Variants in EIF2AK1 observed in about 807,000 individuals in gnomAD.
EIF2AK1 encodes eukaryotic translation initiation factor 2 alpha kinase 1, also known as eukaryotic translation initiation factor 2-alpha kinase 1.
In EIF2AK1, 54 loss-of-function variants were observed where a neutral mutation model predicts 77.9. The ratio of observed to expected loss-of-function variants is 0.69; its 90% CI spans 0.56 to 0.87. EIF2AK1 has a LOEUF of 0.87. Ranked by LOEUF, EIF2AK1 falls within the 40% of genes least tolerant of loss-of-function variation. The pLI is 0.00. For missense variants in EIF2AK1, 810 were observed against 768.6 expected, an observed-to-expected ratio of 1.05 and a Z score of -0.64; for synonymous variants, 314 against 290.5, an observed-to-expected ratio of 1.08 and a Z score of -0.82.
At chr7:6,054,328 C>T (rs1342422803) in intron 2 of EIF2AK1, among the ~76,000 whole-genome samples, 3 of 152,064 alleles carry the variant, frequency 2.0e-5, no homozygotes, top group African/African-American at 4.8e-5. Flanking sequence ...CTCAGCCTCC[C>T]GAGTAGCTGG....
In EIF2AK1 at chr7:6,040,885, A is replaced by C. The variant is rs760391811; in HGVS notation, c.1119+7T>G. On this transcript the variant is annotated splice_region_variant and intron_variant, in intron 9 of 14. Coordinates refer to ENST00000199389, the MANE Select transcript of EIF2AK1 (RefSeq NM_014413.4). ...CCAAATTAGGAGGGTCTGGGAAAGT[A>C]ATCTACCTCTGTCTGACCCAAAAAG... The C allele has an allele frequency of 2.5e-6, 4 of 1,611,966 alleles. No homozygotes were observed. The highest frequency in any genetic ancestry group is 3.4e-6 in the Non-Finnish European group (4 of 1,178,310).
chr7:6,038,478 C>A, intron 10 of EIF2AK1, 82 bp downstream of exon 10: 3 of 904,756 alleles, frequency 3.3e-6, no homozygotes, highest in South Asian at 1.9e-5. Flanking sequence ...TGAAAAAAAG[C>A]ACCTGGAGGC....
At position 6,023,913 on chromosome 7, in the gene EIF2AK1, T is replaced by G. The variant is rs1787658168; in HGVS notation, c.*760A>C. 1.3e-6 allele frequency: 2 copies of G among 1,486,964 alleles called. No homozygotes were observed. The highest frequency in any genetic ancestry group is 1.8e-6 in the Non-Finnish European group (2 of 1,114,534). The allele number at this position is 1,486,964 out of a possible 1,614,324, so 92.1% of individuals were successfully genotyped here. A position where few individuals can be genotyped will look rare whatever the true frequency, so the allele number is the denominator to read the frequency against. On this transcript the variant is annotated 3_prime_UTR_variant, in exon 15 of 15. Coordinates refer to ENST00000199389, the MANE Select transcript of EIF2AK1 (RefSeq NM_014413.4). ...ACTGCCAACTCCATGGCAGACCCTT[T>G]CTGGGATTCAAAAACCAATTCATCA... is the stretch of plus-strand genomic sequence containing the variant.
chr7:6,036,009 A>G lies in EIF2AK1; in HGVS notation c.1332+1415T>C. The G allele has an allele frequency of 6.4e-7, 1 of 1,551,148 alleles. No individual in the cohort carries two copies. Among genetic ancestry groups the G allele is most frequent in the South Asian group, 1.2e-5 (1 of 84,060 alleles). ...ATGCTTTGGAGGCAGAGAGGCAATC[A>G]TCAATCTCCTGCTTGAATTTGAAGC... On this transcript the variant is annotated intron_variant, in intron 11 of 14. Coordinates refer to ENST00000199389, the MANE Select transcript of EIF2AK1 (RefSeq NM_014413.4). This position sits in a 1 kb window ranked among gnomAD's most constrained non-coding sequence, Gnocchi z 4.6.
At chr7:6,044,501 T>G in intron 7 of EIF2AK1, 61 bp downstream of exon 7, 1 of 1,402,904 alleles carries the variant, frequency 7.1e-7, no homozygotes, top group Admixed American at 2.1e-5. Flanking sequence ...GCAGGCCAGA[T>G]TTGGTGCACG....
rs1787665984 is a variant in EIF2AK1, at chr7:6,024,085, G to GC, written c.*587dup. The GC allele has an allele frequency of 7.7e-7, 1 of 1,300,866 alleles. No individual in the cohort carries two copies. The highest frequency in any genetic ancestry group is 1.5e-5 in the African/African-American group (1 of 66,368). The allele number at this position is 1,300,866 out of a possible 1,614,324, so 80.6% of individuals were successfully genotyped here. A position where few individuals can be genotyped will look rare whatever the true frequency, so the allele number is the denominator to read the frequency against. On this transcript the variant is annotated 3_prime_UTR_variant, in exon 15 of 15. Transcript: ENST00000199389. ...TCTGGGGTGCGGAGTACAAAGCTTTGCAAGGGTGTGGTTTTGGAATGACGC... is the reference window on the plus strand; with the variant it reads ...TCTGGGGTGCGGAGTACAAAGCTTTGCCAAGGGTGTGGTTTTGGAATGACGC...
At position 6,037,473 on chromosome 7, in the gene EIF2AK1, T is replaced by C. The variant is rs767697040; in HGVS notation, c.1283A>G (p.Glu428Gly). 9 of 1,613,550 alleles carry C rather than the reference T, an allele frequency of 5.6e-6. No homozygotes were observed. The South Asian group carries it at 8.8e-5, about 16-fold the overall frequency. ...CATGTTATGTATGTAAAACACACCT[T>C]CTACCAATTCTTGAAAAATTTTTGT... ...VATKIFQELVEGVFYIHNMGI... is the reference protein window; with the variant it reads ...VATKIFQELVGGVFYIHNMGI... The change falls in exon 11 of 15, where the codon GAA (glutamate) becomes GGA (glycine). Residue 428 changes from glutamate to glycine, a missense_variant. This residue lies in a region of EIF2AK1 where 549 missense variants were observed against 533.7 expected (regional missense o/e 1.03). Transcript: ENST00000199389.
At chr7:6,039,910 C>T (rs1050825601) in intron 9 of EIF2AK1, among the ~76,000 whole-genome samples, 1 of 152,024 alleles carries the variant, frequency 6.6e-6, no homozygotes, top group African/African-American at 2.4e-5. Context: ...GTACTCCAGC[C>T]TGGGTGACAA....
rs1306113567 is a variant in EIF2AK1, at chr7:6,032,544, C to G, written c.1333-3512G>C. Among the ~76,000 whole-genome samples, 1 of 152,230 alleles carries G rather than the reference C, an allele frequency of 6.6e-6. No homozygotes were observed. The highest frequency in any genetic ancestry group is 2.1e-4 in the South Asian group (1 of 4,832). ...CATAGCAAGTACCCTTAATATCACA[C>G]CACAGGCTCTTCTGAAGAATCAACT... On this transcript the variant is annotated intron_variant, in intron 11 of 14. Coordinates refer to ENST00000199389, the MANE Select transcript of EIF2AK1 (RefSeq NM_014413.4). This position sits in a 1 kb window ranked among gnomAD's most constrained non-coding sequence, Gnocchi z 4.3.
chr7:6,032,523 G>A lies in EIF2AK1; in HGVS notation c.1333-3491C>T, dbSNP rs553193250. 1.3e-5 allele frequency among the ~76,000 whole-genome samples: 2 copies of A among 152,326 alleles called. No individual in the cohort carries two copies. The highest frequency in any genetic ancestry group is 2.4e-5 in the African/African-American group (1 of 41,574). On this transcript the variant is annotated intron_variant, in intron 11 of 14. Transcript: ENST00000199389. This position sits in a 1 kb window ranked among gnomAD's most constrained non-coding sequence, Gnocchi z 4.3. ...AATTTAAGGAATAAGTGACTTCATA[G>A]CAAGTACCCTTAATATCACACCACA...
rs756176778 is a variant in EIF2AK1, at chr7:6,023,271, G to A, written c.*1402C>T. 9 of 1,557,026 alleles carry A rather than the reference G, an allele frequency of 5.8e-6. No individual in the cohort carries two copies. The South Asian group carries it at 1.1e-4, about 19-fold the overall frequency. ...GAGTACTTCCCTCAGGGCTGCTCTG[G>A]TGATGCTACCTGGCGTGTTTTTTCT... On this transcript the variant is annotated 3_prime_UTR_variant, in exon 15 of 15. Transcript: ENST00000199389.
At chr7:6,058,816 C>G (rs887814732) in intron 1 of EIF2AK1, 150 bp downstream of exon 1, 73 of 590,768 alleles carry the variant, frequency 1.2e-4, no homozygotes, top group South Asian at 5.6e-4. Context: ...CGCCGCCCCC[C>G]CTCGCACTGC....
At chr7:6,052,584 T>TTAAA (rs368496133) in intron 2 of EIF2AK1, among the ~76,000 whole-genome samples, 6 of 97,174 alleles carry the variant, frequency 6.2e-5, no homozygotes, top group African/African-American at 2.0e-4. Flanking sequence ...ACTGTTTTGG[T>TTAAA]AAAAAAAAAA....
rs1387339376 is a variant in EIF2AK1 at position 6,027,613 on chromosome 7, G to A, written c.1531-652C>T. Among the ~76,000 whole-genome samples the A allele has an allele frequency of 6.6e-6, 1 of 152,060 alleles. No individual in the cohort carries two copies. Among genetic ancestry groups the A allele is most frequent in the African/African-American group, 2.4e-5 (1 of 41,420 alleles). On this transcript the variant is annotated intron_variant, in intron 13 of 14. Transcript: ENST00000199389. This position sits in a 1 kb window ranked among gnomAD's most constrained non-coding sequence, Gnocchi z 4.5. Reference sequence around the variant, plus strand: ...AAGGGAGATTCAAACTTTACAGCATGTTCGTTCTATTTCAAGGGGAGTCAA... The same window carrying A: ...AAGGGAGATTCAAACTTTACAGCATATTCGTTCTATTTCAAGGGGAGTCAA...
At chr7:6,026,596 G>T (rs913918412) in intron 14 of EIF2AK1, 132 bp downstream of exon 14, 1 of 757,354 alleles carries the variant, frequency 1.3e-6, no homozygotes. Flanking sequence ...GAACAAACAG[G>T]CCCCGCCTCC....
At chr7:6,042,392 A>G (rs1188667704) in intron 8 of EIF2AK1, among the ~76,000 whole-genome samples, 2 of 151,186 alleles carry the variant, frequency 1.3e-5, no homozygotes, top group Non-Finnish European at 2.9e-5. Context: ...CAGAGGTTGC[A>G]GTGAGCTGAG....
Position 6,032,772 on chromosome 7 carries a change from A to G in EIF2AK1, c.1333-3740T>C, listed in dbSNP as rs1335030749. On this transcript the variant is annotated intron_variant, in intron 11 of 14. Coordinates refer to ENST00000199389, the MANE Select transcript of EIF2AK1 (RefSeq NM_014413.4). The surrounding 1 kb of genome is among the most constrained non-coding windows in gnomAD (Gnocchi z 4.3). ...TAAATGTATTGCCTTTGAAACGGCA[A>G]GCTAACACAAACAGTATTTTTAACT... The G allele has an allele frequency of 1.5e-6, 2 of 1,331,840 alleles. No homozygotes were observed. Among genetic ancestry groups the G allele is most frequent in the Non-Finnish European group, 2.1e-6 (2 of 955,080 alleles). 82.5% of individuals were successfully genotyped at this position (1,331,840 alleles called of 1,614,324 possible). A position where few individuals can be genotyped will look rare whatever the true frequency, so the allele number is the denominator to read the frequency against.
Position 6,022,895 on chromosome 7 carries a change from G to A in EIF2AK1, c.*1778C>T, listed in dbSNP as rs3801031. 26,138 of 180,546 alleles carry A rather than the reference G, an allele frequency of 0.14. 2,071 individuals are homozygous for A. Among genetic ancestry groups the A allele is most frequent in the Middle Eastern group, 0.2 (77 of 378 alleles). The allele number at this position is 180,546 out of a possible 1,614,324, so 11.2% of individuals were successfully genotyped here. On this transcript the variant is annotated 3_prime_UTR_variant, in exon 15 of 15. Transcript: ENST00000199389. ...CTCTTCTGGTTTATGTTGATATGGA[G>A]ATAAGCGAGTTCATGTCATTCATAT...
chr7:6,031,256 G>C, intron 11 of EIF2AK1: 1 of 969,504 alleles, frequency 1.0e-6, no homozygotes, highest in South Asian at 1.7e-5. Flanking sequence ...TGCCTTCACA[G>C]ATCCAATTCT....
Sources: gnomAD v4.1 joint callset for allele counts (sites outside exome capture counted in the v4.1 genomes callset) on GRCh38, gnomAD v4.1.1 for gene constraint, gnomAD v4.1.1 regional missense constraint, Gnocchi (gnomAD v3.1) non-coding constraint, MANE v1.5 for transcripts, NCBI Gene and HGNC (gene_info 2026-07-23, HGNC 2026-07-21) for gene names.